The following URI1 variants were observed in gnomAD, a reference collection of about 807,000 sequenced individuals.
The protein encoded by URI1 is unconventional prefoldin RPB5 interactor 1.
In URI1, 39 loss-of-function variants were observed where a neutral mutation model predicts 60.2. The observed-to-expected ratio is 0.65, with a 90% CI of 0.50 to 0.85. URI1 has a LOEUF of 0.85. Ranked by LOEUF, URI1 falls within the 40% of genes least tolerant of loss-of-function variation. URI1 has a pLI of 0.00. For synonymous variants in URI1, 251 were observed against 236.8 expected (o/e 1.06, Z -0.55); for missense variants, 691 against 665.9 (o/e 1.04, Z -0.42).
At chr19:29,969,153 A>G (rs2055427459) in intron 1 of URI1, among the ~76,000 whole-genome samples, 1 of 152,188 alleles carries the variant, frequency 6.6e-6, no homozygotes, top group South Asian at 2.1e-4. Flanking sequence ...GATATTCTAC[A>G]CACTATATGT....
chr19:30,001,865 A>G (rs1197154189), intron 4 of URI1, among the ~76,000 whole-genome samples: 4 of 151,928 alleles, frequency 2.6e-5, no homozygotes, highest in Non-Finnish European at 5.9e-5. Flanking sequence ...TACTTTACCT[A>G]AGGTATAGGG....
intron 2 of URI1, among the ~76,000 whole-genome samples, chr19:29,978,084 C>A (rs1218470399): frequency 6.6e-6 from 1 of 151,974 alleles, no homozygotes; most frequent in Non-Finnish European, 1.5e-5. Flanking sequence ...TCTTTTCCTT[C>A]TCTTTTTAAA....
At chr19:29,931,834 T>C (rs1049059586) in intron 1 of URI1, among the ~76,000 whole-genome samples, 1 of 152,092 alleles carries the variant, frequency 6.6e-6, no homozygotes, top group Admixed American at 6.6e-5. Context: ...GAAATATATA[T>C]CCTACTATAT....
intron 6 of URI1, 96 bp from the exon 7 acceptor site, chr19:30,007,374 A>T: frequency 1.4e-6 from 2 of 1,380,512 alleles, no homozygotes; most frequent in Non-Finnish European, 2.0e-6. Flanking sequence ...CTGTTTCAAT[A>T]TTTCCCTTGC....
At chr19:29,930,445 G>A (rs1453762332) in intron 1 of URI1, among the ~76,000 whole-genome samples, 2 of 151,766 alleles carry the variant, frequency 1.3e-5, no homozygotes, top group Non-Finnish European at 2.9e-5. Flanking sequence ...TTTATTCATA[G>A]TGTAAGGCAA....
At chr19:29,954,640 A>G (rs551235238) in intron 1 of URI1, among the ~76,000 whole-genome samples, 2 of 148,700 alleles carry the variant, frequency 1.3e-5, no homozygotes, top group Non-Finnish European at 3.0e-5. Flanking sequence ...TCAGCCTCCC[A>G]AGTAACTGGA....
intron 2 of URI1, among the ~76,000 whole-genome samples, chr19:29,978,038 A>G (rs146014694): frequency 4.7e-4 from 71 of 152,116 alleles, no homozygotes; most frequent in African/African-American, 1.7e-3. Context: ...CTGTATGTGT[A>G]TTTATGTGAC....
At chr19:29,966,175 CTCTG>C (rs987674945) in intron 1 of URI1, among the ~76,000 whole-genome samples, 36 of 152,166 alleles carry the variant, frequency 2.4e-4, no homozygotes, top group African/African-American at 8.2e-4. Context: ...GGGACAGGGT[CTCTG>C]TCTGTCTCCC....
chr19:29,971,776 C>T (rs2055463460), intron 2 of URI1, among the ~76,000 whole-genome samples: 4 of 151,204 alleles, frequency 2.6e-5, no homozygotes, highest in African/African-American at 7.3e-5. Flanking sequence ...ACACACTTTC[C>T]TTTGGCTTCT....
At position 29,981,711 on chromosome 19, in the gene URI1, A is replaced by AGC. The variant is rs552937010; in HGVS notation, c.153-3511_153-3510dup. Among the ~76,000 whole-genome samples, 4 of 152,276 alleles carry AGC rather than the reference A, an allele frequency of 2.6e-5. No individual in the cohort carries two copies. The South Asian group carries it at 6.2e-4, about 24-fold the overall frequency. ...GGATCCATTATGTTGAAGCCAAAGA[A>AGC]GCAGGTCTAGCTATTCTAAGTAAGT... On this transcript the variant is annotated intron_variant, in intron 2 of 10. Coordinates refer to ENST00000392271, the MANE Select transcript of URI1 (RefSeq NM_003796.3).
intron 4 of URI1, among the ~76,000 whole-genome samples, chr19:30,002,543 A>C (rs893551848): frequency 6.6e-6 from 1 of 151,988 alleles, no homozygotes; most frequent in Non-Finnish European, 1.5e-5. Context: ...TTTGTCAGCT[A>C]AATAAATAAA....
Position 30,015,231 on chromosome 19 carries a change from G to C in URI1, c.*162G>C. 7.1e-7 allele frequency: 1 copy of C among 1,416,422 alleles called. No homozygotes were observed. The highest frequency in any genetic ancestry group is 9.2e-7 in the Non-Finnish European group (1 of 1,089,094). 87.7% of individuals were successfully genotyped at this position (1,416,422 alleles called of 1,614,324 possible). A position where few individuals can be genotyped will look rare whatever the true frequency, so the allele number is the denominator to read the frequency against. On this transcript the variant is annotated 3_prime_UTR_variant, in exon 11 of 11. Transcript: ENST00000392271. ...ACCCGTGGTATTTGAAAAAAATCAA[G>C]GTAACTGTCTGAATACTTTAATATC...
chr19:29,956,537 C>T, intron 1 of URI1: 1 of 1,544,100 alleles, frequency 6.5e-7, no homozygotes, highest in East Asian at 2.2e-5. Context: ...GAAACAAGCT[C>T]AGTGTCATTT....
intron 4 of URI1, among the ~76,000 whole-genome samples, chr19:29,990,979 G>A (rs2055739110): frequency 6.6e-6 from 1 of 152,148 alleles, no homozygotes; most frequent in South Asian, 2.1e-4. Context: ...CTTTGCTGAT[G>A]CCACTCTGTT....
intron 4 of URI1, among the ~76,000 whole-genome samples, chr19:29,994,063 ATG>A (rs3053922): frequency 0.11 from 16,601 of 147,486 alleles, 1,370 homozygotes; most frequent in East Asian, 0.22. Context: ...CTCTGTGTGT[ATG>A]TGTGTGTGTG....
At chr19:29,952,030 T>C (rs2055186589) in intron 1 of URI1, among the ~76,000 whole-genome samples, 1 of 152,150 alleles carries the variant, frequency 6.6e-6, no homozygotes, top group African/African-American at 2.4e-5. Context: ...GGGGTGTTAA[T>C]TGCATCAAGC....
intron 4 of URI1, among the ~76,000 whole-genome samples, chr19:29,989,734 G>A (rs2055722351): frequency 2.0e-5 from 3 of 150,668 alleles, no homozygotes; most frequent in Non-Finnish European, 4.4e-5. Context: ...ACCGCACCCC[G>A]CTGCATTGTA....
intron 2 of URI1, among the ~76,000 whole-genome samples, chr19:29,976,386 C>T (rs1452201541): frequency 2.0e-5 from 3 of 152,152 alleles, no homozygotes; most frequent in Admixed American, 6.5e-5. Context: ...CCAGAATGAC[C>T]TCACCCTCAA....
At position 29,983,570 on chromosome 19, in the gene URI1, T is replaced by A. The variant is rs1048207025; in HGVS notation, c.153-1653T>A. On this transcript the variant is annotated intron_variant, in intron 2 of 10. Coordinates refer to ENST00000392271, the MANE Select transcript of URI1 (RefSeq NM_003796.3). ...TGTCTACATGTTCTTTTAAATTACTTGCTGAGTTGGTGAATTTTTGTTTCT... is the reference window on the plus strand; with the variant it reads ...TGTCTACATGTTCTTTTAAATTACTAGCTGAGTTGGTGAATTTTTGTTTCT... Among the ~76,000 whole-genome samples the A allele has an allele frequency of 4.6e-5, 7 of 152,114 alleles. No individual in the cohort carries two copies. In the South Asian group the frequency reaches 1.4e-3, roughly 31 times the overall value.
Sources: allele counts gnomAD v4.1 joint callset (sites outside exome capture counted in the v4.1 genomes callset), GRCh38; gene constraint gnomAD v4.1.1; transcripts MANE v1.5; gene names NCBI Gene and HGNC (gene_info 2026-07-23, HGNC 2026-07-21).